TMEM114: variants seen among roughly 807,000 people sequenced by gnomAD.
TMEM114 encodes the protein transmembrane protein 114.
TMEM114 carries 6 observed loss-of-function variants against 6.2 expected under a neutral mutation model. The observed-to-expected ratio is 0.97, with a 90% CI of 0.53 to 1.91. The LOEUF (loss-of-function observed/expected upper bound fraction) is 1.91, where lower values mean the gene tolerates loss of function less well. Ranked by LOEUF, TMEM114 falls within the 40% of genes most tolerant of loss-of-function variation. The probability of loss-of-function intolerance (pLI) is 0.01; values close to 1 mark genes in which losing one functional copy is unlikely to be tolerated. For synonymous variants in TMEM114, 104 were observed against 73.0 expected (o/e 1.42, Z -2.16); for missense variants, 218 against 158.3 (o/e 1.38, Z -2.02).
chr16:8,564,598 G>A (rs1186948791), downstream of TMEM114, among the ~76,000 whole-genome samples: 4 of 124,772 alleles, frequency 3.2e-5, no homozygotes, highest in East Asian at 2.9e-4. Context: ...AGTGAGTGAC[G>A]GAGGGAGGGA....
At chr16:8,543,632 C>A (rs893228869) in intron 2 of TMEM114, among the ~76,000 whole-genome samples, 1 of 152,132 alleles carries the variant, frequency 6.6e-6, no homozygotes, top group Non-Finnish European at 1.5e-5. Context: ...CTTCCTTTCT[C>A]AATGACAGCC....
At chr16:8,545,802 C>G (rs1314139299) in intron 2 of TMEM114, among the ~76,000 whole-genome samples, 1 of 152,110 alleles carries the variant, frequency 6.6e-6, no homozygotes, top group Non-Finnish European at 1.5e-5. Context: ...TCTTAAAATT[C>G]TCAAACCTTT....
chr16:8,555,130 T>C (rs1047732238), intron 2 of TMEM114, among the ~76,000 whole-genome samples: 21 of 152,212 alleles, frequency 1.4e-4, no homozygotes, highest in Non-Finnish European at 5.9e-5. Context: ...TTGGTGTTTA[T>C]CATGCACATT....
chr16:8,579,638 C>T (rs1037521208), intron 2 of TMEM114, among the ~76,000 whole-genome samples: 1 of 152,140 alleles, frequency 6.6e-6, no homozygotes, highest in African/African-American at 2.4e-5. Flanking sequence ...GCCTCGTTTT[C>T]GTCACCTGTC....
intron 2 of TMEM114, among the ~76,000 whole-genome samples, chr16:8,556,296 C>G (rs535928153): frequency 1.3e-5 from 2 of 152,196 alleles, no homozygotes; most frequent in Non-Finnish European, 2.9e-5. Context: ...AAGCTATAGA[C>G]AGAGATCCTT....
At chr16:8,585,310 G>C (rs1902285244) in intron 2 of TMEM114, among the ~76,000 whole-genome samples, 1 of 152,180 alleles carries the variant, frequency 6.6e-6, no homozygotes, top group African/African-American at 2.4e-5. Context: ...ATCACATCAG[G>C]AGGCAAGTTA....
At chr16:8,541,849 A>G (rs1248678605) in intron 2 of TMEM114, among the ~76,000 whole-genome samples, 2 of 152,208 alleles carry the variant, frequency 1.3e-5, no homozygotes, top group African/African-American at 2.4e-5. Flanking sequence ...AGGGCCCAAG[A>G]GTTCAGGCTG....
chr16:8,544,097 T>C (rs1900592040), intron 2 of TMEM114, among the ~76,000 whole-genome samples: 1 of 152,240 alleles, frequency 6.6e-6, no homozygotes, highest in South Asian at 2.1e-4. Context: ...TTCTTTTTCC[T>C]TCACTGTGAT....
At chr16:8,588,550 A>G (rs1902385666) in intron 2 of TMEM114, among the ~76,000 whole-genome samples, 1 of 152,146 alleles carries the variant, frequency 6.6e-6, no homozygotes, top group Non-Finnish European at 1.5e-5. Context: ...ACAAATGCTC[A>G]TTCATCCCAT....
downstream of TMEM114, among the ~76,000 whole-genome samples, chr16:8,535,607 G>A (rs1171317820): frequency 6.6e-6 from 1 of 152,156 alleles, no homozygotes; most frequent in African/African-American, 2.4e-5. Flanking sequence ...TATATCATTT[G>A]TCAAGGAAAA....
chr16:8,565,188 T>C (rs1901500097), downstream of TMEM114, among the ~76,000 whole-genome samples: 1 of 152,092 alleles, frequency 6.6e-6, no homozygotes, highest in South Asian at 2.1e-4. Flanking sequence ...AGTGAATTGA[T>C]TAATGGGAAA....
At chr16:8,561,421 G>A (rs1901196373) in intron 2 of TMEM114, among the ~76,000 whole-genome samples, 1 of 152,160 alleles carries the variant, frequency 6.6e-6, no homozygotes, top group Non-Finnish European at 1.5e-5. Flanking sequence ...CATTCCACCA[G>A]CCATGTTTAC....
chr16:8,572,370 T>C, intron 2 of TMEM114, 146 bp from the exon 3 acceptor site: 1 of 824,992 alleles, frequency 1.2e-6, no homozygotes. Flanking sequence ...CTGTTTCTGA[T>C]GATGATGATG....
intron 2 of TMEM114, among the ~76,000 whole-genome samples, chr16:8,556,162 G>C (rs1270724355): frequency 6.6e-6 from 1 of 152,116 alleles, no homozygotes; most frequent in Non-Finnish European, 1.5e-5. Context: ...TAAATGCCAA[G>C]TCTGAATTCT....
At chr16:8,548,074 C>T (rs1441522679) in intron 2 of TMEM114, among the ~76,000 whole-genome samples, 1 of 152,174 alleles carries the variant, frequency 6.6e-6, no homozygotes, top group African/African-American at 2.4e-5. Flanking sequence ...GTTTCACGCT[C>T]CTGGAACGGC....
chr16:8,528,843 T>C, the TMEM114 span, among the ~76,000 whole-genome samples: 1 of 152,244 alleles, frequency 6.6e-6, no homozygotes, highest in Non-Finnish European at 1.5e-5. Context: ...AGACACTCCA[T>C]TACAGGATGT....
intron 2 of TMEM114, among the ~76,000 whole-genome samples, chr16:8,558,180 G>C (rs1412115094): frequency 2.0e-5 from 3 of 152,198 alleles, no homozygotes; most frequent in Non-Finnish European, 4.4e-5. Context: ...TTGAACCTGA[G>C]AAGCAGATGT....
intron 2 of TMEM114, among the ~76,000 whole-genome samples, chr16:8,563,674 T>G (rs1221746553): frequency 7.0e-6 from 1 of 142,524 alleles, no homozygotes; most frequent in Non-Finnish European, 1.6e-5. Context: ...AATAAGTAAG[T>G]GAATGAGTAA....
intron 2 of TMEM114, among the ~76,000 whole-genome samples, chr16:8,559,927 C>A (rs1416651724): frequency 3.3e-5 from 5 of 152,124 alleles, no homozygotes; most frequent in African/African-American, 1.2e-4. Context: ...CAGAAGTGGG[C>A]GGCTTAGCTG....
Sources: allele counts gnomAD v4.1 joint callset (sites outside exome capture counted in the v4.1 genomes callset), GRCh38; gene constraint gnomAD v4.1.1; transcripts MANE v1.5; gene names NCBI Gene and HGNC (gene_info 2026-07-23, HGNC 2026-07-21).